The following CPED1 variants were observed in gnomAD, a reference collection of about 807,000 sequenced individuals.
CPED1 encodes cadherin-like and PC-esterase domain-containing protein 1.
In CPED1, 114 loss-of-function variants were observed where a neutral mutation model predicts 128.2. The observed-to-expected ratio is 0.89, with a 90% CI of 0.76 to 1.04. The LOEUF (loss-of-function observed/expected upper bound fraction) is 1.04, where lower values mean the gene tolerates loss of function less well. Ranked by LOEUF, CPED1 falls within the 50% of genes least tolerant of loss-of-function variation. CPED1 has a pLI of 0.00. For synonymous variants in CPED1, 462 were observed against 426.7 expected (o/e 1.08, Z -1.02); for missense variants, 1,211 against 1,207.1 (o/e 1.00, Z -0.05).
At chr7:121,172,657 G>GATAC (rs1415611101) in intron 16 of CPED1, among the ~76,000 whole-genome samples, 1 of 142,144 alleles carries the variant, frequency 7.0e-6, no homozygotes, top group South Asian at 2.3e-4. Context: ...TGGATGGATG[G>GATAC]ATACATAGAT....
intron 3 of CPED1, among the ~76,000 whole-genome samples, chr7:121,017,718 A>C (rs1216621720): frequency 2.0e-5 from 3 of 152,176 alleles, no homozygotes; most frequent in African/African-American, 7.2e-5. Flanking sequence ...GCTGCAAAAC[A>C]GATGGATTAT....
intron 22 of CPED1, among the ~76,000 whole-genome samples, chr7:121,281,290 G>A (rs992468764): frequency 1.4e-4 from 22 of 152,114 alleles, no homozygotes; most frequent in African/African-American, 2.4e-4. Flanking sequence ...CAATACACAC[G>A]TTCTGATGAT....
intron 16 of CPED1, among the ~76,000 whole-genome samples, chr7:121,151,386 C>T (rs1796155109): frequency 1.3e-5 from 2 of 152,160 alleles, no homozygotes; most frequent in African/African-American, 4.8e-5. Context: ...ATAAAATATA[C>T]ATGATTATAA....
At chr7:121,174,354 G>C (rs1258943174) in intron 16 of CPED1, among the ~76,000 whole-genome samples, 1 of 152,002 alleles carries the variant, frequency 6.6e-6, no homozygotes, top group Non-Finnish European at 1.5e-5. Context: ...AATAGTTTTG[G>C]GTTTTACATT....
chr7:121,117,105 A>G (rs1175916680), intron 7 of CPED1, among the ~76,000 whole-genome samples: 1 of 144,840 alleles, frequency 6.9e-6, no homozygotes, highest in African/African-American at 2.5e-5. Context: ...ATATAAATAT[A>G]TATATATATG....
At chr7:121,208,984 C>T (rs184248786) in intron 16 of CPED1, among the ~76,000 whole-genome samples, 7 of 152,028 alleles carry the variant, frequency 4.6e-5, no homozygotes, top group Admixed American at 3.9e-4. Context: ...AATGTGTGAC[C>T]TACGGAAAAA....
At chr7:121,291,552 C>T (rs759426665) in intron 22 of CPED1, among the ~76,000 whole-genome samples, 1 of 152,246 alleles carries the variant, frequency 6.6e-6, no homozygotes, top group African/African-American at 2.4e-5. Flanking sequence ...ATTTTATTCT[C>T]TTTGTAGCAA....
intron 16 of CPED1, among the ~76,000 whole-genome samples, chr7:121,231,664 A>G (rs1015820316): frequency 6.6e-6 from 1 of 152,080 alleles, no homozygotes; most frequent in African/African-American, 2.4e-5. Flanking sequence ...GCTGTGTACC[A>G]TAAGTAAAAT....
chr7:121,232,423 G>A (rs1484340012), intron 16 of CPED1, among the ~76,000 whole-genome samples: 1 of 152,056 alleles, frequency 6.6e-6, no homozygotes, highest in Non-Finnish European at 1.5e-5. Flanking sequence ...TATGAGATGT[G>A]GGATCTGCTA....
At chr7:121,051,506 A>C in intron 4 of CPED1, 1 of 456,596 alleles carries the variant, frequency 2.2e-6, no homozygotes, top group Non-Finnish European at 4.1e-6. Flanking sequence ...GATGGGGGTT[A>C]GTTTTTATAT....
At chr7:121,231,544 A>T (rs944663918) in intron 16 of CPED1, among the ~76,000 whole-genome samples, 4 of 152,148 alleles carry the variant, frequency 2.6e-5, no homozygotes, top group Admixed American at 2.0e-4. Flanking sequence ...GACCATCAGG[A>T]AATGTGTCTG....
chr7:121,089,027 G>A (rs909766599), intron 5 of CPED1, among the ~76,000 whole-genome samples: 2 of 152,048 alleles, frequency 1.3e-5, no homozygotes, highest in Non-Finnish European at 2.9e-5. Flanking sequence ...CAGGCCCTTG[G>A]GTCCTCATCT....
At chr7:121,146,176 G>C (rs1319331186) in intron 16 of CPED1, among the ~76,000 whole-genome samples, 3 of 152,094 alleles carry the variant, frequency 2.0e-5, no homozygotes, top group African/African-American at 4.8e-5. Context: ...TTGGTGTCTG[G>C]TGAGGTTCTT....
chr7:121,153,226 T>G (rs1429403028), intron 16 of CPED1, among the ~76,000 whole-genome samples: 1 of 152,186 alleles, frequency 6.6e-6, no homozygotes, highest in African/African-American at 2.4e-5. Context: ...ATCTGTAATC[T>G]CTAAAAAATA....
intron 10 of CPED1, 89 bp from the exon 11 acceptor site, chr7:121,128,293 C>CT: frequency 1.4e-6 from 1 of 719,624 alleles, no homozygotes; most frequent in Admixed American, 2.2e-5. Flanking sequence ...AACTCAAAAT[C>CT]TGATTGGTTG....
chr7:121,044,647 G>GTTTTTTTTTTTTTTTTTTTTTT (rs1263292548), intron 3 of CPED1, among the ~76,000 whole-genome samples: 1 of 11,912 alleles, frequency 8.4e-5, no homozygotes, highest in African/African-American at 1.9e-4. Context: ...GTGACTTTCT[G>GTTTTTTTTTTTTTTTTTTTTTT]CTCTTTTTTT....
At chr7:121,047,715 CTTTTTT>C (rs530980600) in intron 4 of CPED1, among the ~76,000 whole-genome samples, 17 of 76,008 alleles carry the variant, frequency 2.2e-4, no homozygotes, top group African/African-American at 6.9e-4. Context: ...TCTTCTTCTT[CTTTTTT>C]TTTTTTTGAG....
rs1166928939 is a variant in CPED1 at position 121,078,509 on chromosome 7, A to G, written c.616+14196A>G. On this transcript the variant is annotated intron_variant, in intron 5 of 22. Coordinates refer to ENST00000310396, the MANE Select transcript of CPED1 (RefSeq NM_024913.5). ...AAGAAAGAAAGAAAGAAAAAAAAAAAAAAAAAAAAAAAAAAAGACTTCTAT... is the reference window on the plus strand; with the variant it reads ...AAGAAAGAAAGAAAGAAAAAAAAAAGAAAAAAAAAAAAAAAAGACTTCTAT... Among the ~76,000 whole-genome samples, 5 of 151,082 alleles carry G rather than the reference A, an allele frequency of 3.3e-5. No homozygotes were observed. In the East Asian group the frequency reaches 5.8e-4, roughly 18 times the overall value.
intron 16 of CPED1, among the ~76,000 whole-genome samples, chr7:121,213,798 C>T (rs1797698991): frequency 6.6e-6 from 1 of 151,974 alleles, no homozygotes; most frequent in Admixed American, 6.6e-5. Flanking sequence ...TAATCTTCCC[C>T]AGTTTCTTCT....
Sources: gnomAD v4.1 joint callset for allele counts (sites outside exome capture counted in the v4.1 genomes callset) on GRCh38, gnomAD v4.1.1 for gene constraint, MANE v1.5 for transcripts, NCBI Gene and HGNC (gene_info 2026-07-23, HGNC 2026-07-21) for gene names.